Variants in SSUH2 observed in about 807,000 individuals in gnomAD.
SSUH2 encodes the protein protein SSUH2 homolog.
Under a neutral mutation model 55.3 loss-of-function variants are expected in SSUH2, and 47 were observed. The observed-to-expected ratio is 0.85, with a 90% CI of 0.67 to 1.08. SSUH2 has a LOEUF of 1.08. Among genes scored for constraint, SSUH2 ranks in the 50% least tolerant of loss-of-function variants. The probability of loss-of-function intolerance (pLI) is 0.00; values close to 1 mark genes in which losing one functional copy is unlikely to be tolerated. For synonymous variants in SSUH2, 212 were observed against 191.5 expected, an observed-to-expected ratio of 1.11 and a Z score of -0.89; for missense variants, 535 against 490.7, an observed-to-expected ratio of 1.09 and a Z score of -0.85.
intron 3 of SSUH2, among the ~76,000 whole-genome samples, chr3:8,634,960 G>T (rs75241346): frequency 0.015 from 2,329 of 152,318 alleles, 67 homozygotes; most frequent in African/African-American, 0.053. Flanking sequence ...CAGCTCTGGA[G>T]TAAAAGCTGC....
At chr3:8,666,648 G>C (rs536720416) in intron 5 of SSUH2, among the ~76,000 whole-genome samples, 1 of 152,282 alleles carries the variant, frequency 6.6e-6, no homozygotes, top group African/African-American at 2.4e-5. Context: ...CAGGGGGCAG[G>C]GGTTTCGCCC....
chr3:8,643,787 C>CA (rs1701266936), intron 1 of SSUH2, among the ~76,000 whole-genome samples: 2 of 152,192 alleles, frequency 1.3e-5, no homozygotes, highest in Non-Finnish European at 2.9e-5. Flanking sequence ...CTACATCTCC[C>CA]AAAAAGCATG....
chr3:8,632,306 C>T (rs191953110), intron 4 of SSUH2, among the ~76,000 whole-genome samples, 197 bp from the exon 5 acceptor site: 150 of 152,300 alleles, frequency 9.8e-4, no homozygotes, highest in Non-Finnish European at 1.7e-3. Context: ...GGAAGTCAGC[C>T]AGCCCCAGGA....
At chr3:8,637,831 AGCTT>A (rs1341890686) in intron 1 of SSUH2, among the ~76,000 whole-genome samples, 3 of 141,690 alleles carry the variant, frequency 2.1e-5, no homozygotes, top group African/African-American at 9.3e-5. Flanking sequence ...CATCTCCTAG[AGCTT>A]GTTTGTTTGT....
At chr3:8,623,814 AG>A (rs1374615329) in intron 10 of SSUH2, among the ~76,000 whole-genome samples, 158 bp from the exon 11 acceptor site, 1 of 152,088 alleles carries the variant, frequency 6.6e-6, no homozygotes, top group Non-Finnish European at 1.5e-5. Flanking sequence ...ACAGGAAAAC[AG>A]GGGGCCTGCA....
chr3:8,648,073 G>A (rs115448715), upstream of SSUH2, among the ~76,000 whole-genome samples: 818 of 152,354 alleles, frequency 5.4e-3, 9 homozygotes, highest in Middle Eastern at 0.027. Context: ...CAGGGACTGA[G>A]ATCTTCTTGA....
chr3:8,635,375 T>C lies in SSUH2; in HGVS notation c.134A>G (p.Gln45Arg), dbSNP rs1699746213. 4 of 1,535,164 alleles carry C rather than the reference T, an allele frequency of 2.6e-6. No homozygotes were observed. The highest frequency in any genetic ancestry group is 3.5e-6 in the Non-Finnish European group (4 of 1,146,240). The part of the protein sequence containing the change: ...YDWLLQGGRG[Q>R]IFFPPLEAPG... ...GGCCTCCAAAGGTGGGAAGAATATC[T>C]GTCCTCCTGGAGAAGGGAAGAGTCA... Residue 45 changes from glutamine (Q) to arginine (R), a missense_variant, in exon 3 of 12, where the codon CAG (glutamine) becomes CGG (arginine). Physicochemically the swap from Gln to Arg is conservative, Grantham distance 43 (BLOSUM62 1). Coordinates refer to ENST00000544814, the MANE Select transcript of SSUH2 (RefSeq NM_001256748.3).
chr3:8,660,256 C>A (rs553694413), intron 6 of SSUH2, among the ~76,000 whole-genome samples: 2 of 152,270 alleles, frequency 1.3e-5, no homozygotes. Flanking sequence ...TGGTTAGAGA[C>A]CCCCTTGAGG....
Position 8,635,834 on chromosome 3 carries a change from C to G in SSUH2, c.52G>C (p.Ala18Pro), listed in dbSNP as rs1264284059. Residue 18 changes from alanine (A) to proline (P), a missense_variant, in exon 2 of 12, where the codon GCC becomes CCC. Coordinates refer to ENST00000544814, the MANE Select transcript of SSUH2 (RefSeq NM_001256748.3). ...GTGGGGGGCGCCAGAGGACTCTCGG[C>G]CTCAAAACTGAGGTCCACCACACCT... Reference protein sequence around the residue: ...DDSVVDLSFEAESPLAPPTEL... With the variant: ...DDSVVDLSFEPESPLAPPTEL... The G allele has an allele frequency of 6.5e-7, 1 of 1,536,004 alleles. No individual in the cohort carries two copies. The highest frequency in any genetic ancestry group is 8.7e-7 in the Non-Finnish European group (1 of 1,146,844).
chr3:8,664,914 A>G (rs1328217801), intron 5 of SSUH2, among the ~76,000 whole-genome samples: 1 of 152,234 alleles, frequency 6.6e-6, no homozygotes, highest in African/African-American at 2.4e-5. Context: ...TTATTTCTGG[A>G]TTTGAATCCT....
At chr3:8,672,843 G>T (rs11718684) in intron 3 of SSUH2, among the ~76,000 whole-genome samples, 4,625 of 152,134 alleles carry the variant, frequency 0.03, 163 homozygotes, top group East Asian at 0.17. Flanking sequence ...GCTATCTTGG[G>T]AGTAACGTCA....
At chr3:8,635,663 G>A (rs1699804694) in intron 2 of SSUH2, 96 bp downstream of exon 2, 1 of 1,198,984 alleles carries the variant, frequency 8.3e-7, no homozygotes, top group Non-Finnish European at 1.1e-6. Flanking sequence ...CAGGGAAAGG[G>A]GAGCTATCTC....
chr3:8,643,994 C>T (rs936855304), intron 1 of SSUH2, among the ~76,000 whole-genome samples: 1 of 151,872 alleles, frequency 6.6e-6, no homozygotes, highest in African/African-American at 2.4e-5. Context: ...CCCCACTCCC[C>T]GCCACCGGCA....
chr3:8,639,281 C>T (rs982806570), intron 1 of SSUH2, among the ~76,000 whole-genome samples: 1 of 152,230 alleles, frequency 6.6e-6, no homozygotes, highest in Non-Finnish European at 1.5e-5. Context: ...CCCTAACACA[C>T]ACATTGTGTC....
In SSUH2 at chr3:8,635,299, C is replaced by T. The variant is rs1314918382; in HGVS notation, c.209+1G>A. The T allele has an allele frequency of 2.0e-6, 3 of 1,534,884 alleles. No individual in the cohort carries two copies. Among genetic ancestry groups the T allele is most frequent in the Non-Finnish European group, 2.6e-6 (3 of 1,146,008 alleles). ...GTCACAGAGTACAACCTGAAACTCA[C>T]CTGTGTTCCAGGAACGAGGGCCAGG... On this transcript the variant is annotated splice_donor_variant, in intron 3 of 11. Transcript: ENST00000544814. LOFTEE classifies it high-confidence loss of function.
At chr3:8,641,883 C>A (rs1381410945) in intron 1 of SSUH2, among the ~76,000 whole-genome samples, 4 of 152,112 alleles carry the variant, frequency 2.6e-5, no homozygotes, top group African/African-American at 7.2e-5. Flanking sequence ...ATGAACAAGA[C>A]TTCTGGGAGC....
At chr3:8,630,433 G>A (rs990111212) in intron 6 of SSUH2, among the ~76,000 whole-genome samples, 1 of 152,092 alleles carries the variant, frequency 6.6e-6, no homozygotes, top group African/African-American at 2.4e-5. Flanking sequence ...ATCCCAGCAG[G>A]GTTTTAAGTT....
intron 1 of SSUH2, among the ~76,000 whole-genome samples, chr3:8,681,493 CACGA>C (rs1559579234): frequency 2.8e-5 from 4 of 142,614 alleles, no homozygotes; most frequent in Non-Finnish European, 4.6e-5. Context: ...AGGCAGCCCC[CACGA>C]GGCGGGGACT....
At chr3:8,669,081 G>T (rs889239458) in intron 5 of SSUH2, among the ~76,000 whole-genome samples, 24 of 152,186 alleles carry the variant, frequency 1.6e-4, no homozygotes, top group African/African-American at 5.8e-4. Flanking sequence ...AATCTCACTT[G>T]CTCCTTGGCT....
Sources: allele counts gnomAD v4.1 joint callset (sites outside exome capture counted in the v4.1 genomes callset), GRCh38; gene constraint gnomAD v4.1.1; transcripts MANE v1.5; gene names NCBI Gene and HGNC (gene_info 2026-07-23, HGNC 2026-07-21).